The following NUS1 variants were observed in gnomAD, a reference collection of about 807,000 sequenced individuals.
NUS1 encodes NUS1 dehydrodolichyl diphosphate synthase subunit.
For synonymous variants in NUS1, 135 were observed against 155.2 expected (o/e 0.87, Z 0.97); for missense variants, 292 against 382.9 (o/e 0.76, Z 1.98).
chr6:117,699,276 A>G (rs1253575285), intron 3 of NUS1, among the ~76,000 whole-genome samples: 1 of 152,232 alleles, frequency 6.6e-6, no homozygotes, highest in Non-Finnish European at 1.5e-5. Flanking sequence ...ATTAGAACAG[A>G]TAAACACATT....
chr6:117,701,745 A>G (rs1051290917), intron 3 of NUS1, among the ~76,000 whole-genome samples: 2 of 152,076 alleles, frequency 1.3e-5, no homozygotes, highest in African/African-American at 4.8e-5. Flanking sequence ...CTAAGATACA[A>G]GTTCACCTAA....
intron 1 of NUS1, among the ~76,000 whole-genome samples, chr6:117,686,566 A>C (rs1773143338): frequency 6.6e-6 from 1 of 152,168 alleles, no homozygotes; most frequent in Non-Finnish European, 1.5e-5. Context: ...ATACTATATA[A>C]TTCTGTAAAA....
At chr6:117,691,243 G>T (rs527398532) in intron 1 of NUS1, among the ~76,000 whole-genome samples, 1 of 151,950 alleles carries the variant, frequency 6.6e-6, no homozygotes, top group African/African-American at 2.4e-5. Context: ...CTCAGAAATT[G>T]TTGCTTATCC....
intron 1 of NUS1, among the ~76,000 whole-genome samples, chr6:117,678,685 T>G: frequency 6.9e-6 from 1 of 145,334 alleles, no homozygotes; most frequent in East Asian, 2.0e-4. Context: ...TGGTTTTTTT[T>G]TTTTTTTTTT....
intron 1 of NUS1, among the ~76,000 whole-genome samples, chr6:117,678,676 GGT>G (rs1491166896): frequency 2.1e-4 from 29 of 135,036 alleles, no homozygotes; most frequent in Non-Finnish European, 3.6e-4. Flanking sequence ...CTTTTTCAGT[GGT>G]TTTTTTTTTT....
chr6:117,677,959 TC>T (rs1773007903), intron 1 of NUS1, among the ~76,000 whole-genome samples: 1 of 152,240 alleles, frequency 6.6e-6, no homozygotes, highest in Non-Finnish European at 1.5e-5. Context: ...ATCTTTATCT[TC>T]CAGTAGGGAA....
intron 1 of NUS1, among the ~76,000 whole-genome samples, chr6:117,687,969 C>T (rs1773164225): frequency 6.6e-6 from 1 of 152,110 alleles, no homozygotes; most frequent in Non-Finnish European, 1.5e-5. Flanking sequence ...AATCCCAATA[C>T]TTTTTGAGGC....
intron 1 of NUS1, among the ~76,000 whole-genome samples, chr6:117,678,884 A>T (rs985614945): frequency 1.3e-5 from 2 of 151,910 alleles, no homozygotes; most frequent in African/African-American, 4.8e-5. Context: ...GTTTTGCCAT[A>T]TTGGCCAGGC....
chr6:117,691,558 G>GATATATATATATATATATATATATATAT (rs60775803), intron 1 of NUS1, among the ~76,000 whole-genome samples: 1 of 136,980 alleles, frequency 7.3e-6, no homozygotes, highest in African/African-American at 2.7e-5. Context: ...CATAGATATA[G>GATATATATATATATATATATATATATAT]ATATATATAT....
In NUS1 at chr6:117,710,389, T is replaced by C. The variant is rs1291040533; in HGVS notation, c.*3374T>C. On this transcript the variant is annotated 3_prime_UTR_variant, in exon 5 of 5. Transcript: ENST00000368494. ...GAAACAAGATTAATGTGAGCAGTTC[T>C]CCAAGATCCTAACTGGTGGGACATA... 2 of 152,082 alleles carry C rather than the reference T, an allele frequency of 1.3e-5. No homozygotes were observed. Among genetic ancestry groups the C allele is most frequent in the Non-Finnish European group, 2.9e-5 (2 of 67,960 alleles). 9.4% of individuals were successfully genotyped at this position (152,082 alleles called of 1,614,324 possible).
chr6:117,697,681 A>AAGAG (rs891517008), intron 3 of NUS1, among the ~76,000 whole-genome samples: 3 of 142,004 alleles, frequency 2.1e-5, no homozygotes, highest in Non-Finnish European at 3.1e-5. Flanking sequence ...GAGCTAAAGA[A>AAGAG]AGAGAGAGAG....
chr6:117,678,584 T>C (rs969667758), intron 1 of NUS1, among the ~76,000 whole-genome samples: 5 of 151,856 alleles, frequency 3.3e-5, no homozygotes, highest in Admixed American at 3.3e-4. Context: ...GCTCTTTGAA[T>C]ATAGACTTGA....
At chr6:117,685,993 G>T (rs1773133031) in intron 1 of NUS1, among the ~76,000 whole-genome samples, 1 of 147,022 alleles carries the variant, frequency 6.8e-6, no homozygotes, top group Non-Finnish European at 1.5e-5. Flanking sequence ...TGGGCGCCGT[G>T]GCTCACGCCT....
At chr6:117,691,690 TTTAA>T (rs1011245460) in intron 1 of NUS1, among the ~76,000 whole-genome samples, 10 of 137,660 alleles carry the variant, frequency 7.3e-5, no homozygotes, top group Admixed American at 1.4e-4. Flanking sequence ...GATTTATATA[TTTAA>T]TTATATATTG....
chr6:117,698,901 T>C (rs1773358885), intron 3 of NUS1, among the ~76,000 whole-genome samples: 1 of 152,014 alleles, frequency 6.6e-6, no homozygotes, highest in Admixed American at 6.6e-5. Context: ...GTATGAAAGA[T>C]AAAAATCATG....
At chr6:117,705,346 GA>G (rs1773484498) in intron 4 of NUS1, among the ~76,000 whole-genome samples, 1 of 152,182 alleles carries the variant, frequency 6.6e-6, no homozygotes, top group South Asian at 2.1e-4. Flanking sequence ...GGGAAGAACA[GA>G]AGGATTTTGG....
At chr6:117,697,028 T>C (rs1041716925) in intron 3 of NUS1, among the ~76,000 whole-genome samples, 13 of 152,014 alleles carry the variant, frequency 8.6e-5, no homozygotes, top group African/African-American at 4.8e-5. Context: ...GAATGTAAAG[T>C]ATACAGTTTT....
At chr6:117,700,343 A>G (rs1323135258) in intron 3 of NUS1, among the ~76,000 whole-genome samples, 3 of 152,262 alleles carry the variant, frequency 2.0e-5, no homozygotes, top group East Asian at 1.9e-4. Flanking sequence ...CTGAATAGAT[A>G]TTTCTCAAAA....
At chr6:117,679,515 A>T (rs550227998) in intron 1 of NUS1, among the ~76,000 whole-genome samples, 1 of 152,206 alleles carries the variant, frequency 6.6e-6, no homozygotes, top group South Asian at 2.1e-4. Context: ...TAAAACAACA[A>T]TTTATATATT....
Sources: gnomAD v4.1 joint callset for allele counts (sites outside exome capture counted in the v4.1 genomes callset) on GRCh38, gnomAD v4.1.1 for gene constraint, MANE v1.5 for transcripts, NCBI Gene and HGNC (gene_info 2026-07-23, HGNC 2026-07-21) for gene names.